The following ANKRD30B variants were observed in gnomAD, a reference collection of about 807,000 sequenced individuals.
ANKRD30B encodes the protein ankyrin repeat domain-containing protein 30B.
A neutral mutation model predicts 202.2 loss-of-function variants in ANKRD30B; 144 were observed. That is an observed-to-expected ratio of 0.71 (90% CI 0.62 to 0.82). The LOEUF is 0.82. Ranked by LOEUF, ANKRD30B falls within the 40% of genes least tolerant of loss-of-function variation. The pLI, the probability that ANKRD30B is intolerant of heterozygous loss-of-function variation, is 0.00. For missense variants in ANKRD30B, 1,487 were observed against 1,669.1 expected (o/e 0.89, Z 1.90); for synonymous variants, 508 against 561.3 (o/e 0.91, Z 1.34).
chr18:14,878,495 C>T, the ANKRD30B span, among the ~76,000 whole-genome samples: 2 of 151,794 alleles, frequency 1.3e-5, no homozygotes, highest in Non-Finnish European at 2.9e-5. Context: ...TGAAAAGCCC[C>T]AAAGGTGGGA....
chr18:14,887,159 C>G, the ANKRD30B span, among the ~76,000 whole-genome samples: 1 of 152,082 alleles, frequency 6.6e-6, no homozygotes, highest in Admixed American at 6.6e-5. Flanking sequence ...CTACCAAGAT[C>G]TGCCTATGAA....
intron 8 of ANKRD30B, among the ~76,000 whole-genome samples, chr18:14,771,690 T>G (rs1245822680): frequency 3.9e-5 from 6 of 152,160 alleles, no homozygotes; most frequent in Non-Finnish European, 7.4e-5. Context: ...TGACACAGAT[T>G]AGTCTTTGAA....
At chr18:14,937,929 G>A in the ANKRD30B span, among the ~76,000 whole-genome samples, 9 of 152,180 alleles carry the variant, frequency 5.9e-5, no homozygotes, top group East Asian at 1.7e-3. Flanking sequence ...GCCTGGAACC[G>A]TTTCAAGATG....
chr18:14,860,520 C>T, the ANKRD30B span, among the ~76,000 whole-genome samples: 2 of 146,452 alleles, frequency 1.4e-5, no homozygotes, highest in Admixed American at 6.9e-5. Flanking sequence ...AGAGGGGCTC[C>T]CCACTTCCCA....
At chr18:14,898,923 C>A in the ANKRD30B span, among the ~76,000 whole-genome samples, 1 of 152,190 alleles carries the variant, frequency 6.6e-6, no homozygotes, top group Non-Finnish European at 1.5e-5. Context: ...ATTCCAGACT[C>A]TTTACCAGCT....
the ANKRD30B span, among the ~76,000 whole-genome samples, chr18:14,864,896 C>T: frequency 2.2e-4 from 33 of 152,064 alleles, no homozygotes; most frequent in African/African-American, 7.0e-4. Flanking sequence ...CTGCTCACCA[C>T]GCTCTTTTAA....
Position 14,748,598 on chromosome 18 carries a change from G to C in ANKRD30B, c.179G>C (p.Gly60Ala). The part of the protein sequence containing the change: ...QVQKLEKMTV[G>A]KKPVNLNKRD... ...CAGAAGCTGGAGAAGATGACAGTAG[G>C]GAAGAAGCCCGTCAACCTGAACAAA... Residue 60 changes from glycine to alanine, a missense_variant, in exon 1 of 44, where the codon GGG (glycine) becomes GCG (alanine). Physicochemically the swap from Gly to Ala is moderately conservative, Grantham distance 60. Coordinates refer to ENST00000690538, the MANE Select transcript of ANKRD30B (RefSeq NM_001367607.2). 1.9e-6 allele frequency: 3 copies of C among 1,566,854 alleles called. No homozygotes were observed. The highest frequency in any genetic ancestry group is 2.6e-6 in the Non-Finnish European group (3 of 1,155,504).
the ANKRD30B span, among the ~76,000 whole-genome samples, chr18:14,927,456 T>C: frequency 6.6e-6 from 1 of 152,196 alleles, no homozygotes; most frequent in African/African-American, 2.4e-5. Flanking sequence ...ATTCAATGCA[T>C]CTTACTGTGC....
At chr18:14,883,177 G>C in the ANKRD30B span, among the ~76,000 whole-genome samples, 1 of 151,910 alleles carries the variant, frequency 6.6e-6, no homozygotes, top group African/African-American at 2.4e-5. Flanking sequence ...GAGGTTTTTT[G>C]GTTTTTGTTG....
At chr18:14,760,506 T>C (rs1567983247) in intron 5 of ANKRD30B, 48 bp from the exon 6 acceptor site, 1 of 1,070,366 alleles carries the variant, frequency 9.3e-7, no homozygotes, top group Non-Finnish European at 1.4e-6. Context: ...AAATGTTTTT[T>C]ATATCTTGTT....
At position 14,837,479 on chromosome 18, in the gene ANKRD30B, C is replaced by T. The variant is rs372656956; in HGVS notation, c.2927-136C>T. 147 of 881,012 alleles carry T rather than the reference C, an allele frequency of 1.7e-4. 2 individuals carry two copies. The African/African-American group carries it at 2.2e-3, about 13-fold the overall frequency. 54.6% of individuals were successfully genotyped at this position (881,012 alleles called of 1,614,324 possible). On this transcript the variant is annotated intron_variant, in intron 35 of 43. Transcript: ENST00000690538. ...ATCAACTCTTTTTTTTCTGAACCTG[C>T]TTCAATTCTGAAATTCTATTTTTGC...
At chr18:14,865,786 C>T in the ANKRD30B span, among the ~76,000 whole-genome samples, 1 of 152,188 alleles carries the variant, frequency 6.6e-6, no homozygotes, top group Non-Finnish European at 1.5e-5. Context: ...TCACCACCAA[C>T]TGCAGGGAGG....
intron 30 of ANKRD30B, among the ~76,000 whole-genome samples, chr18:14,821,010 G>C (rs1970386747): frequency 6.6e-6 from 1 of 152,086 alleles, no homozygotes; most frequent in Non-Finnish European, 1.5e-5. Flanking sequence ...TTTTTGGTTG[G>C]TAAACTATTG....
the ANKRD30B span, among the ~76,000 whole-genome samples, chr18:14,916,588 A>G: frequency 2.6e-5 from 4 of 152,160 alleles, no homozygotes; most frequent in Non-Finnish European, 5.9e-5. Context: ...AGAAAATGAC[A>G]GAGAGAGTGT....
At position 14,789,914 on chromosome 18, in the gene ANKRD30B, C is replaced by G. The variant is rs1372014680; in HGVS notation, c.1735-1487C>G. Among the ~76,000 whole-genome samples the G allele has an allele frequency of 3.3e-5, 5 of 152,156 alleles. No individual in the cohort carries two copies. In the East Asian group the frequency reaches 7.7e-4, roughly 24 times the overall value. ...CATATGAACTTTAAAGTAGTTTTTT[C>G]CAATTCTGTGAAGAAAGTCATTGGT... On this transcript the variant is annotated intron_variant, in intron 15 of 43. Coordinates refer to ENST00000690538, the MANE Select transcript of ANKRD30B (RefSeq NM_001367607.2).
intron 18 of ANKRD30B, among the ~76,000 whole-genome samples, 158 bp downstream of exon 18, chr18:14,796,573 C>T (rs555587578): frequency 2.6e-5 from 4 of 152,150 alleles, no homozygotes; most frequent in East Asian, 3.9e-4. Context: ...TGAGAAAATG[C>T]CATTTACAAG....
intron 30 of ANKRD30B, among the ~76,000 whole-genome samples, chr18:14,821,017 A>C (rs1342744696): frequency 2.0e-5 from 3 of 152,138 alleles, no homozygotes; most frequent in Admixed American, 1.3e-4. Context: ...TTGGTAAACT[A>C]TTGATTATTG....
intron 18 of ANKRD30B, 80 bp downstream of exon 18, chr18:14,796,495 T>A (rs1408867543): frequency 6.3e-6 from 9 of 1,436,536 alleles, no homozygotes; most frequent in South Asian, 4.3e-5. Flanking sequence ...TTATTCCCAA[T>A]GTTGTTTTCT....
Position 14,797,789 on chromosome 18 carries a change from G to C in ANKRD30B, c.1964G>C (p.Cys655Ser). The stretch of plus-strand genomic sequence containing the variant: ...GTTTCCGAACCCATTTAGCCTACCT[G>C]TGGAAGGAAAGTTTCTCTTCCAAAT... The part of the protein sequence containing the change: ...PDKDGLLKPT[C>S]GRKVSLPNKA... The change falls in exon 20 of 44, where the codon TGT becomes TCT. Residue 655 changes from cysteine (C) to serine (S), a missense_variant. Coordinates refer to ENST00000690538, the MANE Select transcript of ANKRD30B (RefSeq NM_001367607.2). 1 of 1,561,350 alleles carries C rather than the reference G, an allele frequency of 6.4e-7. No homozygotes were observed. Among genetic ancestry groups the C allele is most frequent in the Non-Finnish European group, 8.7e-7 (1 of 1,152,012 alleles).
Sources: gnomAD v4.1 joint callset for allele counts (sites outside exome capture counted in the v4.1 genomes callset) on GRCh38, gnomAD v4.1.1 for gene constraint, MANE v1.5 for transcripts, NCBI Gene and HGNC (gene_info 2026-07-23, HGNC 2026-07-21) for gene names.